Variants in TLL1 observed in about 807,000 individuals in gnomAD.
TLL1 encodes tolloid-like protein 1.
In TLL1, 49 loss-of-function variants were observed where a neutral mutation model predicts 128.2. The ratio of observed to expected loss-of-function variants is 0.38; its 90% CI spans 0.30 to 0.48. TLL1 has a LOEUF of 0.48. TLL1 is among the 20% of genes least tolerant of loss of function. The pLI is 0.96. For missense variants in TLL1, 1,123 were observed against 1,242.0 expected (o/e 0.90, Z 1.44); for synonymous variants, 454 against 418.8 (o/e 1.08, Z -1.03).
chr4:165,916,926 C>A (rs1039026639), intron 1 of TLL1, among the ~76,000 whole-genome samples: 1 of 152,054 alleles, frequency 6.6e-6, no homozygotes, highest in Non-Finnish European at 1.5e-5. Flanking sequence ...ATTATTGGAA[C>A]TCTTACTTTC....
At chr4:166,065,407 G>T (rs903032323) in intron 15 of TLL1, among the ~76,000 whole-genome samples, 1 of 151,962 alleles carries the variant, frequency 6.6e-6, no homozygotes, top group Admixed American at 6.6e-5. Context: ...CCAGTGCCAT[G>T]TATGACAAGT....
Position 166,028,966 on chromosome 4 carries a change from C to T in TLL1, c.1158+3535C>T, listed in dbSNP as rs548752913. ...CTTATTTTAATTCTATTTATTGTGA[C>T]TATTGGTGTGTTTTAGACAGTATAC... is the stretch of plus-strand genomic sequence containing the variant. On this transcript the variant is annotated intron_variant, in intron 9 of 20. Transcript: ENST00000061240. Among the ~76,000 whole-genome samples, 31 of 151,774 alleles carry T rather than the reference C, an allele frequency of 2.0e-4. No individual in the cohort carries two copies. The South Asian group carries it at 4.4e-3, about 21-fold the overall frequency.
At position 166,033,791 on chromosome 4, in the gene TLL1, A is replaced by G. The variant is rs140778406; in HGVS notation, c.1159-5548A>G. On this transcript the variant is annotated intron_variant, in intron 9 of 20. Coordinates refer to ENST00000061240, the MANE Select transcript of TLL1 (RefSeq NM_012464.5). Reference sequence around the variant, plus strand: ...TGGTTCATGCTGGCAACAATCCAAAATGTGCAGCGAAGAGGGTAGCTGTGT... The same window carrying G: ...TGGTTCATGCTGGCAACAATCCAAAGTGTGCAGCGAAGAGGGTAGCTGTGT... 2.1e-4 allele frequency among the ~76,000 whole-genome samples: 32 copies of G among 152,292 alleles called. No individual in the cohort carries two copies. In the East Asian group the frequency reaches 6.2e-3, roughly 29 times the overall value.
At chr4:165,901,673 G>T (rs1731998216) in intron 1 of TLL1, among the ~76,000 whole-genome samples, 2 of 152,188 alleles carry the variant, frequency 1.3e-5, no homozygotes, top group Admixed American at 1.3e-4. Flanking sequence ...TGTATGAGGT[G>T]TCTGTTGAAC....
At chr4:166,044,474 A>G (rs934304806) in intron 12 of TLL1, 14 of 1,485,794 alleles carry the variant, frequency 9.4e-6, no homozygotes, top group East Asian at 2.5e-5. Flanking sequence ...GTCCCCTTGC[A>G]TGTACCATTT....
intron 1 of TLL1, among the ~76,000 whole-genome samples, chr4:165,893,036 T>A (rs1731494179): frequency 6.6e-6 from 1 of 152,224 alleles, no homozygotes; most frequent in Non-Finnish European, 1.5e-5. Flanking sequence ...AGTGAGACTA[T>A]CACTCTATAG....
At chr4:166,082,310 C>G (rs890521444) in intron 18 of TLL1, among the ~76,000 whole-genome samples, 1 of 152,104 alleles carries the variant, frequency 6.6e-6, no homozygotes, top group Non-Finnish European at 1.5e-5. Context: ...ATCCTAAGAG[C>G]CAGGGTTAGT....
intron 18 of TLL1, among the ~76,000 whole-genome samples, chr4:166,082,874 G>T (rs1579721311): frequency 6.6e-6 from 1 of 151,830 alleles, no homozygotes; most frequent in Non-Finnish European, 1.5e-5. Flanking sequence ...TCAGCGTTTT[G>T]CTATGTTGGC....
intron 1 of TLL1, among the ~76,000 whole-genome samples, chr4:165,937,705 A>G (rs1347396434): frequency 6.6e-6 from 1 of 152,078 alleles, no homozygotes; most frequent in African/African-American, 2.4e-5. Context: ...AAGAAGGACT[A>G]ATAGCAACCA....
chr4:166,061,894 A>G (rs964291925), intron 15 of TLL1, among the ~76,000 whole-genome samples: 6 of 152,128 alleles, frequency 3.9e-5, no homozygotes, highest in Admixed American at 3.9e-4. Context: ...TAATTTTTGT[A>G]TAAGGTGTAA....
Position 166,103,365 on chromosome 4 carries a change from G to T in TLL1, c.*2489G>T, listed in dbSNP as rs1402266406. The T allele has an allele frequency of 6.6e-6, 1 of 151,652 alleles. No homozygotes were observed. Among genetic ancestry groups the T allele is most frequent in the African/African-American group, 2.4e-5 (1 of 41,334 alleles). The allele number at this position is 151,652 out of a possible 1,614,324, so 9.4% of individuals were successfully genotyped here. On this transcript the variant is annotated 3_prime_UTR_variant, in exon 21 of 21. Coordinates refer to ENST00000061240, the MANE Select transcript of TLL1 (RefSeq NM_012464.5). ...TCTTTAAGAATCAGAATTAGTACTA[G>T]AAATTTAAAAAACCCTATAGTTTGG...
intron 1 of TLL1, among the ~76,000 whole-genome samples, chr4:165,962,704 A>G (rs1365929611): frequency 1.3e-5 from 2 of 152,166 alleles, no homozygotes; most frequent in Admixed American, 6.6e-5. Context: ...TGGTACATAT[A>G]CACCATGGAA....
At chr4:166,031,190 C>T (rs1335835734) in intron 9 of TLL1, among the ~76,000 whole-genome samples, 3 of 151,890 alleles carry the variant, frequency 2.0e-5, no homozygotes, top group Admixed American at 1.3e-4. Flanking sequence ...AATGTGAAGT[C>T]CATTTATTTA....
intron 8 of TLL1, among the ~76,000 whole-genome samples, chr4:166,018,303 C>T (rs986366598): frequency 2.6e-5 from 4 of 152,030 alleles, no homozygotes; most frequent in African/African-American, 9.7e-5. Flanking sequence ...CATAAATTAA[C>T]TCAAGATGAA....
rs773361097 is a variant in TLL1 at position 166,042,011 on chromosome 4, C to A, written c.1262-16C>A. On this transcript the variant is annotated splice_polypyrimidine_tract_variant and intron_variant, in intron 10 of 20. Transcript: ENST00000061240. ...TCCTATTTAGGAGTTTCTCTTTATT[C>A]TTTTATTTCTTTTAGGTAGATTCTG... The A allele has an allele frequency of 8.3e-6, 13 of 1,561,326 alleles. No homozygotes were observed. The highest frequency in any genetic ancestry group is 1.4e-5 in the African/African-American group (1 of 73,690).
At chr4:165,931,718 C>CAAAAAAAAAGAAAAAA (rs761214388) in intron 1 of TLL1, among the ~76,000 whole-genome samples, 2 of 133,544 alleles carry the variant, frequency 1.5e-5, no homozygotes, top group East Asian at 2.2e-4. Flanking sequence ...GACTCTGTCT[C>CAAAAAAAAAGAAAAAA]AAAAGAAAAA....
intron 1 of TLL1, among the ~76,000 whole-genome samples, chr4:165,921,070 C>G (rs1439520008): frequency 6.6e-6 from 1 of 152,162 alleles, no homozygotes; most frequent in Non-Finnish European, 1.5e-5. Flanking sequence ...TAAGTTCAGA[C>G]ACCCCTTTTT....
intron 1 of TLL1, among the ~76,000 whole-genome samples, chr4:165,960,691 A>G (rs1351995621): frequency 6.6e-6 from 1 of 152,200 alleles, no homozygotes; most frequent in Admixed American, 6.5e-5. Context: ...TTCACCACAT[A>G]AACACAATTT....
chr4:165,956,699 TC>T (rs1734816171), intron 1 of TLL1, among the ~76,000 whole-genome samples: 1 of 152,088 alleles, frequency 6.6e-6, no homozygotes, highest in Non-Finnish European at 1.5e-5. Context: ...ATCACAGTGG[TC>T]CTGAGGTGAT....
Sources: gnomAD v4.1 joint callset for allele counts (sites outside exome capture counted in the v4.1 genomes callset) on GRCh38, gnomAD v4.1.1 for gene constraint, MANE v1.5 for transcripts, NCBI Gene and HGNC (gene_info 2026-07-23, HGNC 2026-07-21) for gene names.